The following SEMA6D variants were observed in gnomAD, a reference collection of about 807,000 sequenced individuals.
SEMA6D encodes semaphorin 6D.
In SEMA6D, 35 loss-of-function variants were observed where a neutral mutation model predicts 106.6. The observed-to-expected ratio is 0.33, with a 90% CI of 0.25 to 0.44. The LOEUF is 0.44. SEMA6D is among the 20% of genes least tolerant of loss of function. The pLI is 1.00. For synonymous variants in SEMA6D, 499 were observed against 487.7 expected (o/e 1.02, Z -0.31); for missense variants, 1,185 against 1,345.9 (o/e 0.88, Z 1.87).
chr15:47,381,464 A>G (rs1338125136), intron 1 of SEMA6D, among the ~76,000 whole-genome samples: 2 of 152,102 alleles, frequency 1.3e-5, no homozygotes, highest in Non-Finnish European at 2.9e-5. Context: ...CCTGAAACCA[A>G]CCTCATTCAT....
At chr15:47,387,410 A>T (rs566968295) in intron 1 of SEMA6D, among the ~76,000 whole-genome samples, 7 of 152,206 alleles carry the variant, frequency 4.6e-5, no homozygotes, top group Non-Finnish European at 1.0e-4. Context: ...GGATTTGCCC[A>T]TTACTAGTTT....
intron 4 of SEMA6D, among the ~76,000 whole-genome samples, chr15:47,618,427 A>G (rs1020183424): frequency 6.6e-6 from 1 of 152,202 alleles, no homozygotes; most frequent in Non-Finnish European, 1.5e-5. Flanking sequence ...CTTTCAGAAG[A>G]GACTTGCCTG....
chr15:47,555,504 C>T (rs1317304108), intron 3 of SEMA6D, among the ~76,000 whole-genome samples: 1 of 152,084 alleles, frequency 6.6e-6, no homozygotes, highest in Non-Finnish European at 1.5e-5. Flanking sequence ...GTAATATGAA[C>T]TAAGTGATCA....
intron 2 of SEMA6D, among the ~76,000 whole-genome samples, chr15:47,460,947 T>C (rs977823965): frequency 3.3e-5 from 5 of 152,164 alleles, no homozygotes; most frequent in African/African-American, 4.8e-5. Flanking sequence ...GGGTCCTGTC[T>C]GTGGCTCACA....
intron 1 of SEMA6D, among the ~76,000 whole-genome samples, chr15:47,273,533 T>C (rs972872677): frequency 2.6e-5 from 4 of 152,194 alleles, no homozygotes; most frequent in African/African-American, 4.8e-5. Flanking sequence ...CAAATCAACA[T>C]AGGTAATTTC....
chr15:47,512,642 C>T (rs1030468504), intron 3 of SEMA6D, among the ~76,000 whole-genome samples: 2 of 152,172 alleles, frequency 1.3e-5, no homozygotes, highest in African/African-American at 4.8e-5. Context: ...GCCTAGAATC[C>T]TGGACAGGTT....
At chr15:47,322,510 G>A (rs1205902752) in intron 1 of SEMA6D, among the ~76,000 whole-genome samples, 1 of 151,982 alleles carries the variant, frequency 6.6e-6, no homozygotes, top group African/African-American at 2.4e-5. Context: ...TACACTTTTG[G>A]TGAGGGATAC....
chr15:47,588,329 T>A (rs1036948389), intron 3 of SEMA6D, among the ~76,000 whole-genome samples: 4 of 152,208 alleles, frequency 2.6e-5, no homozygotes, highest in South Asian at 4.1e-4. Context: ...GGGGACAGAA[T>A]TGTAGCCTGT....
intron 2 of SEMA6D, among the ~76,000 whole-genome samples, chr15:47,413,175 A>T (rs2040854425): frequency 6.6e-6 from 1 of 152,162 alleles, no homozygotes; most frequent in South Asian, 2.1e-4. Context: ...CCCTCCCTTA[A>T]ATCTGAGGCC....
intron 4 of SEMA6D, among the ~76,000 whole-genome samples, chr15:47,649,567 A>T (rs1235299290): frequency 6.6e-6 from 1 of 152,226 alleles, no homozygotes; most frequent in South Asian, 2.1e-4. Context: ...GCTTGAGCCC[A>T]GGAGTTCAAG....
intron 3 of SEMA6D, among the ~76,000 whole-genome samples, chr15:47,528,959 C>A (rs1168002181): frequency 6.6e-6 from 1 of 152,112 alleles, no homozygotes; most frequent in Admixed American, 6.6e-5. Flanking sequence ...TCATGTTATA[C>A]ATACTATATA....
chr15:47,367,704 A>G (rs281275), intron 1 of SEMA6D, among the ~76,000 whole-genome samples: 3,557 of 123,436 alleles, frequency 0.029, 137 homozygotes, highest in African/African-American at 0.16. Context: ...ACACACACAC[A>G]CACACACACA....
chr15:47,360,047 T>C (rs1030898926), intron 1 of SEMA6D: 2 of 152,202 alleles, frequency 1.3e-5, no homozygotes, highest in African/African-American at 4.8e-5. Flanking sequence ...CTTCTTTTTT[T>C]TTTCTAGCCT....
chr15:47,368,212 C>T (rs1279133110), intron 1 of SEMA6D, among the ~76,000 whole-genome samples: 1 of 152,258 alleles, frequency 6.6e-6, no homozygotes, highest in Admixed American at 6.5e-5. Flanking sequence ...CCCCAAGCCT[C>T]TGCCCATGCA....
At chr15:47,720,841 CA>C (rs1163801279) in intron 1 of SEMA6D, among the ~76,000 whole-genome samples, 2 of 152,226 alleles carry the variant, frequency 1.3e-5, no homozygotes. Context: ...GAAATAGGGT[CA>C]TTTTTCACCC....
At chr15:47,746,984 G>GTGTATATATATA (rs1401767590) in intron 1 of SEMA6D, among the ~76,000 whole-genome samples, 7 of 122,098 alleles carry the variant, frequency 5.7e-5, no homozygotes, top group African/African-American at 1.1e-4. Context: ...GTGTGTGTGT[G>GTGTATATATATA]TATATATATA....
intron 11 of SEMA6D, 75 bp downstream of exon 11, chr15:47,764,380 G>A: frequency 6.5e-7 from 1 of 1,534,784 alleles, no homozygotes; most frequent in Non-Finnish European, 8.8e-7. Flanking sequence ...TCCTCAGGGA[G>A]CAGCTTGGCC....
At chr15:47,534,575 T>C (rs369588417) in intron 3 of SEMA6D, among the ~76,000 whole-genome samples, 5 of 152,334 alleles carry the variant, frequency 3.3e-5, no homozygotes, top group African/African-American at 9.6e-5. Flanking sequence ...CTAACATTAA[T>C]ACATTTATAT....
At chr15:47,474,605 A>G (rs1192390247) in intron 3 of SEMA6D, among the ~76,000 whole-genome samples, 1 of 152,206 alleles carries the variant, frequency 6.6e-6, no homozygotes, top group Non-Finnish European at 1.5e-5. Context: ...GCATCCCTCT[A>G]GTAGGTACTG....
Sources: gnomAD v4.1 joint callset for allele counts (sites outside exome capture counted in the v4.1 genomes callset) on GRCh38, gnomAD v4.1.1 for gene constraint, MANE v1.5 for transcripts, NCBI Gene and HGNC (gene_info 2026-07-23, HGNC 2026-07-21) for gene names.